MIGA1: variants seen among roughly 807,000 people sequenced by gnomAD.
MIGA1 encodes the protein family with sequence similarity 73, member A.
A neutral mutation model predicts 82.0 loss-of-function variants in MIGA1; 58 were observed. The ratio of observed to expected loss-of-function variants is 0.71; its 90% CI spans 0.57 to 0.88. The LOEUF is 0.88. Among genes scored for constraint, MIGA1 ranks in the 40% least tolerant of loss-of-function variants. The pLI is 0.00. For missense variants in MIGA1, 751 were observed against 749.1 expected (o/e 1.00, Z -0.03); for synonymous variants, 249 against 253.6 (o/e 0.98, Z 0.17).
chr1:77,847,627 C>G, intron 8 of MIGA1: 2 of 1,550,478 alleles, frequency 1.3e-6, no homozygotes, highest in Non-Finnish European at 1.8e-6. Flanking sequence ...AAAAAGAGGG[C>G]TGCTGCGCTG....
At chr1:77,845,294 A>G (rs1232984306) in intron 8 of MIGA1, among the ~76,000 whole-genome samples, 4 of 152,248 alleles carry the variant, frequency 2.6e-5, no homozygotes, top group Middle Eastern at 3.4e-3. Flanking sequence ...ACTGTTCATT[A>G]TATACATATT....
At chr1:77,839,163 A>G (rs188377671) in intron 7 of MIGA1, among the ~76,000 whole-genome samples, 4 of 152,240 alleles carry the variant, frequency 2.6e-5, no homozygotes, top group Admixed American at 2.6e-4. Flanking sequence ...TGGTTCTGCC[A>G]GTTGTTTCCA....
At chr1:77,829,167 C>T (rs1161010100) in intron 7 of MIGA1, among the ~76,000 whole-genome samples, 1 of 152,056 alleles carries the variant, frequency 6.6e-6, no homozygotes, top group Admixed American at 6.6e-5. Flanking sequence ...TGCATGTAAT[C>T]CCAGCACTTT....
chr1:77,811,222 G>A, intron 5 of MIGA1: 1 of 1,555,020 alleles, frequency 6.4e-7, no homozygotes, highest in South Asian at 1.1e-5. Flanking sequence ...TGTAATATAG[G>A]GATCGATGCA....
chr1:77,803,087 A>G (rs1239865211), intron 3 of MIGA1, among the ~76,000 whole-genome samples, 183 bp from the exon 4 acceptor site: 4 of 152,142 alleles, frequency 2.6e-5, no homozygotes, highest in Admixed American at 6.5e-5. Context: ...AAAAGATTAT[A>G]TAAGATTATA....
chr1:77,790,318 G>T (rs1292457201), intron 2 of MIGA1, among the ~76,000 whole-genome samples: 2 of 152,166 alleles, frequency 1.3e-5, no homozygotes, highest in African/African-American at 4.8e-5. Flanking sequence ...CCAGGCTGGA[G>T]CACAGTGACG....
chr1:77,844,139 GAT>G (rs1491067019), intron 8 of MIGA1, among the ~76,000 whole-genome samples: 1 of 92,084 alleles, frequency 1.1e-5, no homozygotes, highest in African/African-American at 4.7e-5. Context: ...TATATATATA[GAT>G]AGATAGATAG....
intron 12 of MIGA1, chr1:77,861,841 A>T (rs994897252): frequency 2.6e-5 from 4 of 152,610 alleles, no homozygotes; most frequent in African/African-American, 9.6e-5. Context: ...GTAGATACAG[A>T]TATAGAAATA....
intron 7 of MIGA1, among the ~76,000 whole-genome samples, chr1:77,825,288 A>T (rs1323341667): frequency 6.6e-6 from 1 of 152,160 alleles, no homozygotes; most frequent in East Asian, 1.9e-4. Flanking sequence ...TTACAGCATG[A>T]GCCACGATGC....
At chr1:77,806,738 A>G (rs1446261192) in intron 4 of MIGA1, among the ~76,000 whole-genome samples, 7 of 152,236 alleles carry the variant, frequency 4.6e-5, no homozygotes, top group Admixed American at 2.6e-4. Context: ...TCTGATGGAA[A>G]TAAGTGATTT....
intron 7 of MIGA1, among the ~76,000 whole-genome samples, chr1:77,831,234 G>A (rs1684233892): frequency 6.6e-6 from 1 of 152,128 alleles, no homozygotes. Context: ...GAATATCTAT[G>A]AAATTTATTT....
At chr1:77,835,002 C>A (rs1684375754) in intron 7 of MIGA1, among the ~76,000 whole-genome samples, 1 of 152,180 alleles carries the variant, frequency 6.6e-6, no homozygotes, top group African/African-American at 2.4e-5. Context: ...AGAGTGGCAT[C>A]TTTGGAATCT....
chr1:77,873,244 C>T, intron 15 of MIGA1, 124 bp downstream of exon 15: 1 of 946,842 alleles, frequency 1.1e-6, no homozygotes. Context: ...TTATAAAAGT[C>T]ACCTAAATTC....
intron 8 of MIGA1, among the ~76,000 whole-genome samples, chr1:77,843,768 A>G (rs956662548): frequency 2.6e-5 from 4 of 152,030 alleles, no homozygotes; most frequent in African/African-American, 9.7e-5. Context: ...TTTTTGTTCT[A>G]AGAAGGTGAT....
intron 2 of MIGA1, among the ~76,000 whole-genome samples, chr1:77,798,982 T>G (rs375948424): frequency 7.2e-5 from 11 of 152,346 alleles, no homozygotes; most frequent in African/African-American, 2.6e-4. Context: ...TATTATGGCT[T>G]TCTTTAGCTG....
chr1:77,805,766 G>T (rs1683075946), intron 4 of MIGA1, among the ~76,000 whole-genome samples: 1 of 151,680 alleles, frequency 6.6e-6, no homozygotes, highest in Non-Finnish European at 1.5e-5. Flanking sequence ...CAAGTGATCT[G>T]CCCGTTTTGG....
At position 77,841,085 on chromosome 1, in the gene MIGA1, A is replaced by G. The variant is rs986588913; in HGVS notation, c.896-2222A>G. 3.3e-5 allele frequency among the ~76,000 whole-genome samples: 5 copies of G among 152,302 alleles called. No homozygotes were observed. In the South Asian group the frequency reaches 6.2e-4, roughly 19 times the overall value. The stretch of plus-strand genomic sequence containing the variant: ...CAAAATACCAGTTTGATAGCTATTT[A>G]TAAGTGTGAAACAATTATGTTGTTT... On this transcript the variant is annotated intron_variant, in intron 7 of 15. Coordinates refer to ENST00000370791, the MANE Select transcript of MIGA1 (RefSeq NM_198549.4).
At position 77,820,559 on chromosome 1, in the gene MIGA1, C is replaced by T. The variant is rs566418966; in HGVS notation, c.895+5328C>T. Among the ~76,000 whole-genome samples the T allele has an allele frequency of 8.5e-5, 13 of 152,228 alleles. No individual in the cohort carries two copies. The East Asian group carries it at 1.7e-3, about 20-fold the overall frequency. On this transcript the variant is annotated intron_variant, in intron 7 of 15. Transcript: ENST00000370791. ...TATTGGCTCGGAATTTGGAACTTCT[C>T]TAGGACACTCAGGAAGACCATCATT...
intron 8 of MIGA1, chr1:77,847,946 G>T (rs573964045): frequency 5.4e-5 from 71 of 1,308,122 alleles, no homozygotes; most frequent in Admixed American, 1.8e-4. Flanking sequence ...AAGGGAAAAG[G>T]TCGTAGAGAC....
Sources: gnomAD v4.1 joint callset for allele counts (sites outside exome capture counted in the v4.1 genomes callset) on GRCh38, gnomAD v4.1.1 for gene constraint, MANE v1.5 for transcripts, NCBI Gene and HGNC (gene_info 2026-07-23, HGNC 2026-07-21) for gene names.